Variants in CLIC2 observed in about 807,000 individuals in gnomAD.
CLIC2 encodes the protein chloride intracellular channel protein 2.
CLIC2 carries 9 observed loss-of-function variants against 14.8 expected under a neutral mutation model. The ratio of observed to expected loss-of-function variants is 0.61; its 90% CI spans 0.37 to 1.06. CLIC2 has a LOEUF of 1.06. Among genes scored for constraint, CLIC2 ranks in the 50% least tolerant of loss-of-function variants. The pLI, the probability that CLIC2 is intolerant of heterozygous loss-of-function variation, is 0.01. For missense variants in CLIC2, 148 were observed against 181.4 expected (o/e 0.82, Z 1.06); for synonymous variants, 61 against 66.3 (o/e 0.92, Z 0.39).
At chrX:155,298,335 G>A (rs2075001798) in intron 3 of CLIC2, among the ~76,000 whole-genome samples, 1 of 112,191 alleles carries the variant, frequency 8.9e-6, no homozygotes, top group Admixed American at 9.4e-5. Flanking sequence ...GAGATGTGCG[G>A]TTGTCATTCA....
intron 1 of CLIC2, among the ~76,000 whole-genome samples, chrX:155,299,497 G>C (rs934813507): frequency 9.0e-6 from 1 of 110,902 alleles, no homozygotes; most frequent in Non-Finnish European, 1.9e-5. Context: ...ATATCTTTAA[G>C]GTTAATCTTT....
chrX:155,317,118 A>G (rs1488272064), intron 1 of CLIC2, among the ~76,000 whole-genome samples: 1 of 111,760 alleles, frequency 8.9e-6, no homozygotes, highest in Non-Finnish European at 1.9e-5. Context: ...AGTCTGAAAG[A>G]GCACAAATAC....
chrX:155,284,016 G>A (rs2074930734), intron 3 of CLIC2, among the ~76,000 whole-genome samples: 1 of 110,951 alleles, frequency 9.0e-6, no homozygotes, highest in Non-Finnish European at 1.9e-5. Flanking sequence ...CTGTGTTGGG[G>A]CTCTCCTTCA....
chrX:155,293,028 C>A, intron 3 of CLIC2: 3 of 680,865 alleles, frequency 4.4e-6, no homozygotes, highest in Non-Finnish European at 7.3e-6. Flanking sequence ...TGCCATTAAA[C>A]ACAGCCCTGT....
At chrX:155,285,043 T>C (rs1236291892) in intron 3 of CLIC2, among the ~76,000 whole-genome samples, 6 of 112,495 alleles carry the variant, frequency 5.3e-5, no homozygotes, top group African/African-American at 1.9e-4. Context: ...TATGAAAGAA[T>C]GGAGTTCTGG....
At chrX:155,279,103 C>T in intron 5 of CLIC2, 46 bp downstream of exon 5, 1 of 1,119,148 alleles carries the variant, frequency 8.9e-7, no homozygotes, top group Non-Finnish European at 1.2e-6. Context: ...GTGCTGGCAA[C>T]TGGCAAACCC....
chrX:155,313,197 C>CA (rs59429236), intron 1 of CLIC2, among the ~76,000 whole-genome samples: 6,110 of 32,393 alleles, frequency 0.19, 316 homozygotes, highest in East Asian at 0.21. Context: ...ATAAATAAGG[C>CA]AAAAAAAAAA....
At chrX:155,295,367 T>C (rs782698963) in intron 3 of CLIC2, among the ~76,000 whole-genome samples, 23 of 110,802 alleles carry the variant, frequency 2.1e-4, no homozygotes, top group African/African-American at 7.5e-4. Flanking sequence ...GGAAAATATG[T>C]CAAAATAATA....
intron 1 of CLIC2, among the ~76,000 whole-genome samples, chrX:155,316,126 T>C (rs1463274006): frequency 9.0e-6 from 1 of 111,586 alleles, no homozygotes; most frequent in African/African-American, 3.3e-5. Context: ...CAATTACTAC[T>C]AGACCTAAGA....
chrX:155,299,576 T>C (rs1013359240), intron 1 of CLIC2, among the ~76,000 whole-genome samples: 1 of 106,589 alleles, frequency 9.4e-6, no homozygotes, highest in Non-Finnish European at 2.0e-5. Flanking sequence ...ATTTCCTTTC[T>C]TTTTTTTTTA....
At chrX:155,333,193 G>A (rs1252989312) in intron 1 of CLIC2, among the ~76,000 whole-genome samples, 2 of 111,615 alleles carry the variant, frequency 1.8e-5, no homozygotes, top group Non-Finnish European at 3.8e-5. Context: ...TTTGCCAATA[G>A]GTATTTAACT....
At chrX:155,293,151 C>A in intron 3 of CLIC2, 1 of 665,245 alleles carries the variant, frequency 1.5e-6, no homozygotes, top group Non-Finnish European at 2.5e-6. Context: ...CTTCGGACAG[C>A]TCCTCTGGCA....
intron 3 of CLIC2, chrX:155,292,189 T>A (rs2074969692): frequency 1.8e-6 from 1 of 565,981 alleles, no homozygotes; most frequent in Admixed American, 2.2e-5. Context: ...AACAAGTCAG[T>A]TAATATTTGG....
chrX:155,332,524 T>A (rs1471198749), intron 1 of CLIC2, among the ~76,000 whole-genome samples: 1 of 111,854 alleles, frequency 8.9e-6, no homozygotes, highest in East Asian at 2.8e-4. Flanking sequence ...AATTGAATAA[T>A]ATTAGACATA....
chrX:155,316,053 C>G (rs2075093995), intron 1 of CLIC2, among the ~76,000 whole-genome samples: 1 of 111,618 alleles, frequency 9.0e-6, no homozygotes, highest in Non-Finnish European at 1.9e-5. Flanking sequence ...ACTAGTCCAA[C>G]AGGAAAATAT....
chrX:155,311,316 A>G (rs2075073610), intron 1 of CLIC2, among the ~76,000 whole-genome samples: 1 of 111,853 alleles, frequency 8.9e-6, no homozygotes, highest in Non-Finnish European at 1.9e-5. Context: ...TTCTTCTGCC[A>G]GATACCCTAA....
Position 155,326,121 on chromosome X carries a change from A to G in CLIC2, c.57+8250T>C, listed in dbSNP as rs782147988. ...AATATCTCTGAAATCACTACTATAT[A>G]TCTTATTCATGTAACCAAACTTCAC... On this transcript the variant is annotated intron_variant, in intron 1 of 5. Transcript: ENST00000369449. Among the ~76,000 whole-genome samples the G allele has an allele frequency of 7.2e-3, 788 of 109,353 alleles. 10 individuals are homozygous for G. The highest frequency in any genetic ancestry group is 0.025 in the African/African-American group (740 of 30,067). The allele number at this position is 109,353 out of a possible 115,157, so 95.0% of individuals were successfully genotyped here.
chrX:155,323,453 C>T (rs1391612250), intron 1 of CLIC2, among the ~76,000 whole-genome samples: 2 of 111,942 alleles, frequency 1.8e-5, no homozygotes, highest in Non-Finnish European at 3.8e-5. Context: ...TCAATAGATG[C>T]ATAAAAAGCC....
intron 1 of CLIC2, among the ~76,000 whole-genome samples, chrX:155,306,784 A>G (rs1056832692): frequency 2.7e-5 from 3 of 110,225 alleles, no homozygotes; most frequent in Non-Finnish European, 5.7e-5. Context: ...CAACAACCAG[A>G]TCTCATGAGA....
Sources: allele counts gnomAD v4.1 joint callset (sites outside exome capture counted in the v4.1 genomes callset), GRCh38; gene constraint gnomAD v4.1.1; transcripts MANE v1.5; gene names NCBI Gene and HGNC (gene_info 2026-07-23, HGNC 2026-07-21).